Variants in SPEN observed in about 807,000 individuals in gnomAD.
SPEN encodes spen family transcriptional repressor.
A neutral mutation model predicts 269.9 loss-of-function variants in SPEN; 18 were observed. That is an observed-to-expected ratio of 0.07 (90% confidence interval 0.05 to 0.10). SPEN has a LOEUF of 0.10. Ranked by LOEUF, SPEN falls within the 10% of genes least tolerant of loss-of-function variation. SPEN has a pLI of 1.00. For missense variants in SPEN, 3,822 were observed against 4,631.2 expected, an observed-to-expected ratio of 0.83 and a Z score of 5.07; for synonymous variants, 1,726 against 1,765.7, an observed-to-expected ratio of 0.98 and a Z score of 0.56.
At position 15,939,025 on chromosome 1, in the gene SPEN, C is replaced by CCCCGCCCCATGT; in HGVS notation, c.10863+149_10863+150insCCCGCCCCATGT. The CCCCGCCCCATGT allele has an allele frequency of 9.0e-7, 1 of 1,108,134 alleles. No homozygotes were observed. The highest frequency in any genetic ancestry group is 1.3e-6 in the Non-Finnish European group (1 of 785,602). The allele number at this position is 1,108,134 out of a possible 1,614,324, so 68.6% of individuals were successfully genotyped here. ...ACAGAAGTCAGTAGAGCACATGGGG[C>CCCCGCCCCATGT]GGGGCGCCATCACCCATCCTGAAGA... On this transcript the variant is annotated intron_variant, in intron 14 of 14. Transcript: ENST00000375759. This position sits in a 1 kb window ranked among gnomAD's most constrained non-coding sequence, Gnocchi z 4.1.
intron 3 of SPEN, among the ~76,000 whole-genome samples, chr1:15,881,345 T>C (rs969228656): frequency 1.2e-4 from 18 of 152,230 alleles, no homozygotes; most frequent in African/African-American, 4.3e-4. Context: ...ATCTCTGCTT[T>C]AGAAAGGCAA....
intron 10 of SPEN, among the ~76,000 whole-genome samples, chr1:15,923,621 A>G (rs1223630428): frequency 6.6e-6 from 1 of 150,502 alleles, no homozygotes; most frequent in Non-Finnish European, 1.5e-5. Flanking sequence ...AAGTATTAAT[A>G]TATATTAATT....
Position 15,929,081 on chromosome 1 carries a change from C to G in SPEN, c.2841C>G (p.Ser947Arg). Residue 947 changes from serine to arginine, a missense_variant, in exon 11 of 15, where the codon AGC becomes AGG. Ser to Arg is a moderately radical substitution (Grantham distance 110, BLOSUM62 -1). Transcript: ENST00000375759. This position sits in a 1 kb window ranked among gnomAD's most constrained non-coding sequence, Gnocchi z 5.8. ...TACCAAAGGAAAAGGGGCTTTCAAGCCATGTTGAAGTGGTGGAGAAGGAAG... is the reference window on the plus strand; with the variant it reads ...TACCAAAGGAAAAGGGGCTTTCAAGGCATGTTGAAGTGGTGGAGAAGGAAG... ...MKVPKEKGLS[S>R]HVEVVEKEGR... 1 of 1,614,144 alleles carries G rather than the reference C, an allele frequency of 6.2e-7. No homozygotes were observed. Among genetic ancestry groups the G allele is most frequent in the Non-Finnish European group, 8.5e-7 (1 of 1,180,038 alleles).
At position 15,936,119 on chromosome 1, in the gene SPEN, G is replaced by C; in HGVS notation, c.9879G>C (p.Val3293=). ...CTCCTGTGGTGGTGACCCATGGGGT[G>C]CAGATTGTGCACTCCAGCGGGGAGC... ...LTPPVVVTHG[V]QIVHSSGELF... Residue 3293 remains valine (V), a synonymous_variant, in exon 11 of 15, where the codon GTG becomes GTC. Transcript: ENST00000375759. The C allele has an allele frequency of 6.2e-7, 1 of 1,611,558 alleles. No homozygotes were observed. The highest frequency in any genetic ancestry group is 8.5e-7 in the Non-Finnish European group (1 of 1,178,194).
chr1:15,886,648 C>T (rs1399338901), intron 3 of SPEN, among the ~76,000 whole-genome samples: 1 of 152,164 alleles, frequency 6.6e-6, no homozygotes, highest in East Asian at 1.9e-4. Context: ...GTTATTAACC[C>T]TTGCTTTAAT....
chr1:15,849,063 G>C (rs2070306588), intron 1 of SPEN, among the ~76,000 whole-genome samples: 1 of 152,122 alleles, frequency 6.6e-6, no homozygotes, highest in African/African-American at 2.4e-5. Context: ...TTATTGAGTA[G>C]CGTGTAGTGC....
At position 15,932,891 on chromosome 1, in the gene SPEN, G is replaced by C. The variant is rs147655905; in HGVS notation, c.6651G>C (p.Ala2217=). 7 of 1,614,222 alleles carry C rather than the reference G, an allele frequency of 4.3e-6. No individual in the cohort carries two copies. The highest frequency in any genetic ancestry group is 5.9e-6 in the Non-Finnish European group (7 of 1,180,042). ...AHQASETELA[A]AIGSIINDIS... The stretch of plus-strand genomic sequence containing the variant: ...AAGCAAGTGAAACAGAGCTGGCTGC[G>C]GCCATCGGCTCCATCATCAATGACA... The change falls in exon 11 of 15, where the codon GCG becomes GCC. Residue 2217 remains alanine (A), a synonymous_variant. Transcript: ENST00000375759. The surrounding 1 kb of genome is among the most constrained non-coding windows in gnomAD (Gnocchi z 4.2).
intron 3 of SPEN, among the ~76,000 whole-genome samples, chr1:15,906,467 T>C (rs951446621): frequency 1.1e-3 from 127 of 112,488 alleles, no homozygotes; most frequent in Non-Finnish European, 2.0e-3. Flanking sequence ...TTTTTTTTTT[T>C]TTTTTTTTTT....
chr1:15,876,667 C>T lies in SPEN; in HGVS notation c.870C>T (p.Thr290=), dbSNP rs1020766202. ...SSDSISSSSS[T]SSDSSDSSSS... is the part of the protein sequence containing the mutation. ...ATTCAATCAGCAGCAGCAGTAGTAC[C>T]AGCAGTGACAGGTAGGTTAACAGCC... is the stretch of plus-strand genomic sequence containing the variant. Residue 290 remains threonine (T), a synonymous_variant, in exon 3 of 15, where the codon ACC becomes ACT. Coordinates refer to ENST00000375759, the MANE Select transcript of SPEN (RefSeq NM_015001.3). 1 of 1,611,134 alleles carries T rather than the reference C, an allele frequency of 6.2e-7. No individual in the cohort carries two copies. The highest frequency in any genetic ancestry group is 8.5e-7 in the Non-Finnish European group (1 of 1,178,214).
At chr1:15,922,573 C>T (rs995534420) in intron 10 of SPEN, among the ~76,000 whole-genome samples, 3 of 152,030 alleles carry the variant, frequency 2.0e-5, no homozygotes, top group Non-Finnish European at 4.4e-5. Context: ...GGATTTCTCA[C>T]TGAATGCTCC....
intron 3 of SPEN, among the ~76,000 whole-genome samples, chr1:15,892,006 T>A (rs2070794269): frequency 7.2e-6 from 1 of 138,968 alleles, no homozygotes. Context: ...CATCTGTTTC[T>A]TTTTACTTTT....
At chr1:15,903,024 A>T (rs1322474364) in intron 3 of SPEN, among the ~76,000 whole-genome samples, 3 of 152,184 alleles carry the variant, frequency 2.0e-5, no homozygotes, top group African/African-American at 4.8e-5. Context: ...TAATAGAGGG[A>T]TACAGAAGTC....
chr1:15,922,827 T>C (rs1279060620), intron 10 of SPEN, among the ~76,000 whole-genome samples: 1 of 152,120 alleles, frequency 6.6e-6, no homozygotes, highest in Non-Finnish European at 1.5e-5. Flanking sequence ...TTGTCTAGGC[T>C]GGTCTTGAAC....
intron 1 of SPEN, among the ~76,000 whole-genome samples, chr1:15,849,740 C>T (rs778035668): frequency 6.6e-6 from 1 of 152,078 alleles, no homozygotes; most frequent in Admixed American, 6.6e-5. Context: ...CCCTTACCCG[C>T]CCCCCACCTC....
intron 11 of SPEN, among the ~76,000 whole-genome samples, chr1:15,936,742 G>A (rs2071279209): frequency 6.6e-6 from 1 of 152,092 alleles, no homozygotes; most frequent in African/African-American, 2.4e-5. Context: ...TTCAAGACCA[G>A]CTTGGCCAAC....
rs766524287 is a variant in SPEN, at chr1:15,933,417, ACTC to A, written c.7184_7186del (p.Pro2395del). 5.0e-6 allele frequency: 8 copies of A among 1,613,192 alleles called. No individual in the cohort carries two copies. The highest frequency in any genetic ancestry group is 2.2e-5 in the East Asian group (1 of 44,838). ...AAAGCAGAGTGAGAAACCCCATTCCACTCCTCCTCAGTCATGTACTTCTGACCT... is the reference window on the plus strand; with the variant it reads ...AAAGCAGAGTGAGAAACCCCATTCCACTCCTCAGTCATGTACTTCTGACCT... On this transcript the variant is annotated inframe_deletion, in exon 11 of 15. Transcript: ENST00000375759. The surrounding 1 kb of genome is among the most constrained non-coding windows in gnomAD (Gnocchi z 5.7).
At position 15,928,996 on chromosome 1, in the gene SPEN, T is replaced by G; in HGVS notation, c.2756T>G (p.Val919Gly). The G allele has an allele frequency of 1.9e-6, 3 of 1,614,158 alleles. No homozygotes were observed. The highest frequency in any genetic ancestry group is 2.5e-6 in the Non-Finnish European group (3 of 1,180,024). The change falls in exon 11 of 15, where the codon GTC becomes GGC. Residue 919 changes from valine to glycine, a missense_variant. By Grantham distance (109) the Val-to-Gly change is moderately radical (BLOSUM62 -3). Around this residue, in one of 16 missense-constraint regions of SPEN, gnomAD observed 572 missense variants for 582.6 expected, o/e 0.98. Coordinates refer to ENST00000375759, the MANE Select transcript of SPEN (RefSeq NM_015001.3). This position sits in a 1 kb window ranked among gnomAD's most constrained non-coding sequence, Gnocchi z 5.7. ...KSSALDQKLQ[V>G]SQTEPAKSDL... ...TCTGCCCTGGACCAGAAACTTCAGG[T>G]CTCTCAGACGGAGCCTGCAAAATCT... is the stretch of plus-strand genomic sequence containing the variant.
chr1:15,899,396 T>G (rs1478536682), intron 3 of SPEN, among the ~76,000 whole-genome samples: 1 of 152,054 alleles, frequency 6.6e-6, no homozygotes, highest in Non-Finnish European at 1.5e-5. Flanking sequence ...GCCAGGCTGG[T>G]CTTGAACTCC....
At chr1:15,916,091 G>C (rs1343992971) in intron 5 of SPEN, 37 bp from the exon 6 acceptor site, 6 of 1,579,952 alleles carry the variant, frequency 3.8e-6, no homozygotes, top group Non-Finnish European at 5.1e-6. Flanking sequence ...TTAAAATACT[G>C]TCTTCTCTTT....
Sources: allele counts gnomAD v4.1 joint callset (sites outside exome capture counted in the v4.1 genomes callset), GRCh38; gene constraint gnomAD v4.1.1; regional missense constraint gnomAD v4.1.1; non-coding constraint Gnocchi (gnomAD v3.1); transcripts MANE v1.5; gene names NCBI Gene and HGNC (gene_info 2026-07-23, HGNC 2026-07-21).